Variants in CACNB4 observed in about 807,000 individuals in gnomAD.
CACNB4 encodes the protein voltage-dependent L-type calcium channel subunit beta-4.
A neutral mutation model predicts 71.2 loss-of-function variants in CACNB4; 32 were observed. That is an observed-to-expected ratio of 0.45 (90% CI 0.34 to 0.60). The LOEUF (loss-of-function observed/expected upper bound fraction) is 0.60, where lower values mean the gene tolerates loss of function less well. Ranked by LOEUF, CACNB4 falls within the 20% of genes least tolerant of loss-of-function variation. CACNB4 has a pLI of 0.01. For missense variants in CACNB4, 464 were observed against 647.9 expected (o/e 0.72, Z 3.08); for synonymous variants, 231 against 236.9 (o/e 0.97, Z 0.23).
At chr2:151,877,415 T>C (rs2099846727) in intron 4 of CACNB4, among the ~76,000 whole-genome samples, 1 of 152,204 alleles carries the variant, frequency 6.6e-6, no homozygotes. Context: ...GTCCTAACCT[T>C]TGGATTCTTT....
intron 2 of CACNB4, among the ~76,000 whole-genome samples, chr2:152,015,516 C>T (rs765072288): frequency 1.3e-5 from 2 of 152,186 alleles, no homozygotes; most frequent in Non-Finnish European, 2.9e-5. Context: ...ACTGGGGACA[C>T]ACTGCCTTGC....
intron 2 of CACNB4, among the ~76,000 whole-genome samples, chr2:152,036,799 C>T (rs751341119): frequency 6.6e-6 from 1 of 152,122 alleles, no homozygotes; most frequent in African/African-American, 2.4e-5. Flanking sequence ...CGGCCTTGGA[C>T]CATGGCTGGA....
At chr2:152,026,641 A>C (rs1683993513) in intron 2 of CACNB4, among the ~76,000 whole-genome samples, 1 of 152,054 alleles carries the variant, frequency 6.6e-6, no homozygotes, top group Admixed American at 6.6e-5. Context: ...CGGCCTCCCA[A>C]AGTGCTGAGA....
At chr2:152,091,806 G>A (rs13390486) in intron 2 of CACNB4, among the ~76,000 whole-genome samples, 7,926 of 152,268 alleles carry the variant, frequency 0.052, 457 homozygotes, top group African/African-American at 0.14. Context: ...CCAATGGGAG[G>A]AACTGGTAGA....
intron 2 of CACNB4, among the ~76,000 whole-genome samples, chr2:152,058,789 G>A (rs2105324029): frequency 6.6e-6 from 1 of 152,340 alleles, no homozygotes. Flanking sequence ...TGTCTCCAGG[G>A]TATGTCAGAG....
rs1242461189 is a variant in CACNB4 at position 151,833,091 on chromosome 2, TAAAG to T, written c.*6024_*6027del. ...ATTATTAAAATAAATAACTAAAATT[TAAAG>T]AAAGAAAAAAAATTATTTGACAAAG... On this transcript the variant is annotated 3_prime_UTR_variant, in exon 14 of 14. Transcript: ENST00000539935. 6.6e-6 allele frequency: 1 copy of T among 152,046 alleles called. No individual in the cohort carries two copies. Among genetic ancestry groups the T allele is most frequent in the Non-Finnish European group, 1.5e-5 (1 of 67,960 alleles). The allele number at this position is 152,046 out of a possible 1,614,324, so 9.4% of individuals were successfully genotyped here.
At chr2:152,022,225 C>T (rs1012410685) in intron 2 of CACNB4, among the ~76,000 whole-genome samples, 11 of 152,158 alleles carry the variant, frequency 7.2e-5, no homozygotes, top group African/African-American at 2.4e-4. Flanking sequence ...CCCTTAATTT[C>T]ACTCCTACAA....
chr2:151,870,633 G>C, intron 7 of CACNB4, 22 bp from the exon 8 acceptor site: 1 of 1,592,316 alleles, frequency 6.3e-7, no homozygotes, highest in East Asian at 2.2e-5. Flanking sequence ...GATTCGACAC[G>C]CGTGACAAGG....
Position 152,098,612 on chromosome 2 carries a change from C to T in CACNB4, c.64-199G>A, listed in dbSNP as rs765900251. 4.3e-6 allele frequency: 5 copies of T among 1,157,218 alleles called. No individual in the cohort carries two copies. In the South Asian group the frequency reaches 6.5e-5, roughly 15 times the overall value. The allele number at this position is 1,157,218 out of a possible 1,614,324, so 71.7% of individuals were successfully genotyped here. A position where few individuals can be genotyped will look rare whatever the true frequency, so the allele number is the denominator to read the frequency against. ...GCAAGCCTCGACTGCTGAAAAGATG[C>T]TCGAGAAGAGCAGCCCGCAAGCACC... On this transcript the variant is annotated intron_variant, in intron 1 of 13. Coordinates refer to ENST00000539935, the MANE Select transcript of CACNB4 (RefSeq NM_000726.5). The surrounding 1 kb of genome is among the most constrained non-coding windows in gnomAD (Gnocchi z 5.3).
chr2:151,862,397 G>C (rs969580537), intron 9 of CACNB4, among the ~76,000 whole-genome samples: 3 of 152,186 alleles, frequency 2.0e-5, no homozygotes, highest in Non-Finnish European at 4.4e-5. Context: ...GCTTGCCTGT[G>C]TCATTATGTT....
intron 2 of CACNB4, among the ~76,000 whole-genome samples, chr2:151,931,722 A>AT (rs576222988): frequency 2.0e-4 from 30 of 152,130 alleles, no homozygotes; most frequent in South Asian, 4.1e-4. Context: ...ACATTTCAGG[A>AT]TTTTTTTTCT....
chr2:152,097,408 C>T (rs1008355382), intron 2 of CACNB4, among the ~76,000 whole-genome samples: 3 of 152,144 alleles, frequency 2.0e-5, no homozygotes, highest in Non-Finnish European at 2.9e-5. Flanking sequence ...GGGATAAAAG[C>T]CTCTTGGTGC....
At chr2:151,895,059 A>T (rs1048492500) in intron 2 of CACNB4, among the ~76,000 whole-genome samples, 24 of 151,738 alleles carry the variant, frequency 1.6e-4, no homozygotes, top group Middle Eastern at 3.4e-3. Flanking sequence ...ATAGAAAAAA[A>T]ATCTAAAATT....
At chr2:152,016,678 C>T (rs1201278306) in intron 2 of CACNB4, among the ~76,000 whole-genome samples, 4 of 152,228 alleles carry the variant, frequency 2.6e-5, no homozygotes, top group Admixed American at 1.3e-4. Flanking sequence ...CATCACTCAC[C>T]GTTCCAGGCA....
At position 151,876,463 on chromosome 2, in the gene CACNB4, T is replaced by C; in HGVS notation, c.484A>G (p.Ile162Val). Residue 162 changes from isoleucine to valine, a missense_variant, in exon 5 of 14, where the codon ATC becomes GTC. By Grantham distance (29) the Ile-to-Val change is conservative. Transcript: ENST00000539935. ...PSPLRLENIR[I>V]QQEQKRGRFH... ...CGTCCTCTTTTTTGTTCTTGCTGGATCCGTATGTTCTCCAATCTGAGTGGA... is the reference window on the plus strand; with the variant it reads ...CGTCCTCTTTTTTGTTCTTGCTGGACCCGTATGTTCTCCAATCTGAGTGGA... 6.2e-7 allele frequency: 1 copy of C among 1,604,338 alleles called. No individual in the cohort carries two copies. The highest frequency in any genetic ancestry group is 8.5e-7 in the Non-Finnish European group (1 of 1,173,598).
chr2:152,089,087 A>G (rs1687828006), intron 2 of CACNB4, among the ~76,000 whole-genome samples: 1 of 152,226 alleles, frequency 6.6e-6, no homozygotes, highest in Non-Finnish European at 1.5e-5. Context: ...GTCTCCTCAC[A>G]GTACACATGG....
intron 2 of CACNB4, among the ~76,000 whole-genome samples, chr2:152,003,832 TAA>T (rs113971846): frequency 6.9e-6 from 1 of 144,450 alleles, no homozygotes; most frequent in Non-Finnish European, 1.5e-5. Flanking sequence ...GAGAAATTAA[TAA>T]AAAAAAAAAC....
In CACNB4 at chr2:151,881,484, TGGTTTTGA is replaced by T. The variant is rs1205040945; in HGVS notation, c.268-570_268-563del. Among the ~76,000 whole-genome samples the T allele has an allele frequency of 3.3e-5, 5 of 152,340 alleles. No homozygotes were observed. The South Asian group carries it at 6.2e-4, about 19-fold the overall frequency. ...TCACCTTCTCTCTAGCTAACGAAGC[TGGTTTTGA>T]AACTCTTTTTACACAAATGCCTCTC... On this transcript the variant is annotated intron_variant, in intron 3 of 13. Transcript: ENST00000539935.
chr2:151,889,916 C>G (rs2099850320), intron 2 of CACNB4, among the ~76,000 whole-genome samples: 1 of 152,150 alleles, frequency 6.6e-6, no homozygotes, highest in South Asian at 2.1e-4. Context: ...TCTCTCTCTT[C>G]TTTGTTCCAT....
Sources: allele counts gnomAD v4.1 joint callset (sites outside exome capture counted in the v4.1 genomes callset), GRCh38; gene constraint gnomAD v4.1.1; non-coding constraint Gnocchi (gnomAD v3.1); transcripts MANE v1.5; gene names NCBI Gene and HGNC (gene_info 2026-07-23, HGNC 2026-07-21).